The following UNC80 variants were observed in gnomAD, a reference collection of about 807,000 sequenced individuals.
UNC80 encodes the protein unc-80 subunit of NALCN channel complex.
UNC80 carries 164 observed loss-of-function variants against 384.6 expected under a neutral mutation model. That is an observed-to-expected ratio of 0.43 (90% CI 0.38 to 0.49). UNC80 has a LOEUF of 0.49. Among genes scored for constraint, UNC80 ranks in the 20% least tolerant of loss-of-function variants. The probability of loss-of-function intolerance (pLI) is 0.00; values close to 1 mark genes in which losing one functional copy is unlikely to be tolerated. For missense variants in UNC80, 3,330 were observed against 4,143.0 expected, an observed-to-expected ratio of 0.80 and a Z score of 5.39; for synonymous variants, 1,486 against 1,527.8, an observed-to-expected ratio of 0.97 and a Z score of 0.64.
chr2:209,857,729 T>C (rs1204517687), intron 22 of UNC80, among the ~76,000 whole-genome samples: 1 of 152,202 alleles, frequency 6.6e-6, no homozygotes, highest in Non-Finnish European at 1.5e-5. Context: ...CTGCATACCA[T>C]AAATTTTGAT....
chr2:209,898,647 A>G (rs772192785), intron 28 of UNC80, among the ~76,000 whole-genome samples: 2 of 152,062 alleles, frequency 1.3e-5, no homozygotes, highest in South Asian at 2.1e-4. Flanking sequence ...TCTTTTAGTT[A>G]TTTTTAAATG....
At chr2:209,774,343 C>T (rs758988895) in intron 2 of UNC80, among the ~76,000 whole-genome samples, 28 of 152,274 alleles carry the variant, frequency 1.8e-4, no homozygotes, top group South Asian at 8.3e-4. Context: ...CACTTGAAAT[C>T]TCAGACTTTC....
At chr2:209,945,259 C>A (rs1460696137) in intron 46 of UNC80, 70 bp downstream of exon 46, 39 of 1,419,546 alleles carry the variant, frequency 2.7e-5, no homozygotes, top group Non-Finnish European at 3.6e-5. Context: ...ATGTATTATA[C>A]ACACATACAC....
chr2:209,800,181 C>T (rs2078448289), intron 7 of UNC80, among the ~76,000 whole-genome samples: 1 of 152,154 alleles, frequency 6.6e-6, no homozygotes, highest in African/African-American at 2.4e-5. Context: ...GTGAATCCAT[C>T]TGGTCCTGGG....
rs1348432149 is a variant in UNC80 at position 209,972,316 on chromosome 2, G to T, written c.8372G>T (p.Gly2791Val). Residue 2791 changes from glycine to valine, a missense_variant, in exon 55 of 65, where the codon GGA becomes GTA. By Grantham distance (109) the Gly-to-Val change is moderately radical (BLOSUM62 -3). Coordinates refer to ENST00000673920, the MANE Select transcript of UNC80 (RefSeq NM_001371986.1). ...LIPFVLTVGS[G>V]SKDSPWLEQP... is the part of the protein sequence containing the mutation. ...CCATTTGTGCTCACAGTAGGATCTG[G>T]AAGCAAAGGTCTGATTAATTTAACT... The T allele has an allele frequency of 6.4e-7, 1 of 1,551,128 alleles. No individual in the cohort carries two copies. The highest frequency in any genetic ancestry group is 8.7e-7 in the Non-Finnish European group (1 of 1,146,686).
intron 47 of UNC80, among the ~76,000 whole-genome samples, chr2:209,949,398 A>G (rs921835383): frequency 2.6e-5 from 4 of 152,208 alleles, no homozygotes; most frequent in Non-Finnish European, 4.4e-5. Flanking sequence ...TTGTCAGGCT[A>G]TAGTATCAAG....
Position 209,998,443 on chromosome 2 carries a change from T to C in UNC80, c.*2848T>C, listed in dbSNP as rs1559464538. On this transcript the variant is annotated 3_prime_UTR_variant, in exon 65 of 65. Transcript: ENST00000673920. ...CAAAATCAAAGGGCATAAATGGGCATGGCAGTGCTGGTGGAAAAATCTGTG... is the reference window on the plus strand; with the variant it reads ...CAAAATCAAAGGGCATAAATGGGCACGGCAGTGCTGGTGGAAAAATCTGTG... 1 of 152,318 alleles carries C rather than the reference T, an allele frequency of 6.6e-6. No individual in the cohort carries two copies. Among genetic ancestry groups the C allele is most frequent in the South Asian group, 2.1e-4 (1 of 4,828 alleles). 9.4% of individuals were successfully genotyped at this position (152,318 alleles called of 1,614,324 possible). A position where few individuals can be genotyped will look rare whatever the true frequency, so the allele number is the denominator to read the frequency against.
intron 7 of UNC80, among the ~76,000 whole-genome samples, chr2:209,810,065 C>G (rs576918756): frequency 6.6e-6 from 1 of 152,070 alleles, no homozygotes; most frequent in South Asian, 2.1e-4. Flanking sequence ...AGCCATGGGG[C>G]CTTCGAAGGC....
rs2081177875 is a variant in UNC80, at chr2:209,834,009, A to G, written c.2783A>G (p.Tyr928Cys). The G allele has an allele frequency of 6.4e-7, 1 of 1,551,666 alleles. No homozygotes were observed. Among genetic ancestry groups the G allele is most frequent in the Non-Finnish European group, 8.7e-7 (1 of 1,146,942 alleles). ...CTTCTTGCCTCCAAACAGGGACTGT[A>G]TTGTGACATTCGTCAGCTGGTCCAG... The part of the protein sequence containing the change: ...ELHSPENLGL[Y>C]CDIRQLVQFI... The change falls in exon 17 of 65, where the codon TAT becomes TGT. Residue 928 changes from tyrosine to cysteine, a missense_variant. This residue lies in a region of UNC80 where 937 missense variants were observed against 1,026.8 expected (regional missense o/e 0.91). Coordinates refer to ENST00000673920, the MANE Select transcript of UNC80 (RefSeq NM_001371986.1).
intron 18 of UNC80, among the ~76,000 whole-genome samples, chr2:209,838,383 G>T (rs2081491949): frequency 6.7e-6 from 1 of 150,148 alleles, no homozygotes; most frequent in African/African-American, 2.5e-5. Flanking sequence ...GCATATTATT[G>T]GCCACTGGTC....
chr2:209,905,514 A>G (rs550350780), intron 29 of UNC80, among the ~76,000 whole-genome samples: 1 of 152,286 alleles, frequency 6.6e-6, no homozygotes, highest in East Asian at 1.9e-4. Flanking sequence ...TAGATAAGAC[A>G]AGGAAATGGA....
chr2:209,781,583 T>C (rs908970972), intron 4 of UNC80, among the ~76,000 whole-genome samples: 1 of 152,214 alleles, frequency 6.6e-6, no homozygotes, highest in Non-Finnish European at 1.5e-5. Context: ...CTTCTGGTTC[T>C]TCTTGCATCT....
At chr2:209,891,015 G>T (rs558273744) in intron 26 of UNC80, among the ~76,000 whole-genome samples, 111 of 152,018 alleles carry the variant, frequency 7.3e-4, no homozygotes, top group Non-Finnish European at 9.9e-4. Context: ...CTGCACATTT[G>T]CTAGAAGAGT....
In UNC80 at chr2:209,839,380, G is replaced by A. The variant is rs376043576; in HGVS notation, c.3200G>A (p.Arg1067His). Residue 1067 changes from arginine (R) to histidine (H), a missense_variant, in exon 19 of 65, where the codon CGC becomes CAC. Arg to His is a conservative substitution (Grantham distance 29, BLOSUM62 0). Around this residue, in one of 8 missense-constraint regions of UNC80, gnomAD observed 801 missense variants for 950.8 expected, o/e 0.84. Transcript: ENST00000673920. The surrounding 1 kb of genome is among the most constrained non-coding windows in gnomAD (Gnocchi z 4.1). ...GGGACCACCTCTGACCGACGTGCCC[G>A]CTCACGATCCCGCAGAATTTCCCTC... ...HSGTTSDRRA[R>H]SRSRRISLRK... 69 of 1,551,952 alleles carry A rather than the reference G, an allele frequency of 4.4e-5. No individual in the cohort carries two copies. The highest frequency in any genetic ancestry group is 1.1e-4 in the African/African-American group (8 of 73,114).
chr2:209,794,011 G>T, intron 7 of UNC80, 152 bp downstream of exon 7: 5 of 966,446 alleles, frequency 5.2e-6, no homozygotes, highest in Non-Finnish European at 7.3e-6. Context: ...ATTAATAATT[G>T]TAGAAATATG....
chr2:209,882,065 C>A (rs1026297619), intron 25 of UNC80, among the ~76,000 whole-genome samples: 8 of 149,516 alleles, frequency 5.4e-5, no homozygotes, highest in South Asian at 2.1e-4. Flanking sequence ...CTTCCCAGTT[C>A]ACACCATTCT....
rs1172637344 is a variant in UNC80 at position 209,969,906 on chromosome 2, G to T, written c.8130+15G>T. On this transcript the variant is annotated intron_variant, in intron 53 of 64. Transcript: ENST00000673920. The stretch of plus-strand genomic sequence containing the variant: ...GTGTCAATCTGGTGAGTAGCCAAGT[G>T]GCAATCTTATGAAACTTTGCACAAT... The T allele has an allele frequency of 1.9e-6, 3 of 1,551,012 alleles. No individual in the cohort carries two copies. The highest frequency in any genetic ancestry group is 2.6e-6 in the Non-Finnish European group (3 of 1,146,676).
At chr2:209,922,812 T>G (rs918095069) in intron 35 of UNC80, among the ~76,000 whole-genome samples, 2 of 152,174 alleles carry the variant, frequency 1.3e-5, no homozygotes, top group African/African-American at 2.4e-5. Context: ...TTTGTTTTTG[T>G]TTTTGTTTTT....
Position 209,933,998 on chromosome 2 carries a change from A to G in UNC80, c.6171A>G (p.Ser2057=). The part of the protein sequence containing the change: ...QCEVKLLVTA[S]MPGTKTLVVH... ...AGGTGAAGCTCCTGGTGACCGCTTCAATGCCAGGTAAGCCACTACTACTTT... is the reference window on the plus strand; with the variant it reads ...AGGTGAAGCTCCTGGTGACCGCTTCGATGCCAGGTAAGCCACTACTACTTT... The change falls in exon 39 of 65, where the codon TCA becomes TCG. Residue 2057 remains serine (S), a synonymous_variant. Transcript: ENST00000673920. The G allele has an allele frequency of 6.5e-7, 1 of 1,543,196 alleles. No individual in the cohort carries two copies. Among genetic ancestry groups the G allele is most frequent in the South Asian group, 1.2e-5 (1 of 82,892 alleles).
Sources: allele counts gnomAD v4.1 joint callset (sites outside exome capture counted in the v4.1 genomes callset), GRCh38; gene constraint gnomAD v4.1.1; regional missense constraint gnomAD v4.1.1; non-coding constraint Gnocchi (gnomAD v3.1); transcripts MANE v1.5; gene names NCBI Gene and HGNC (gene_info 2026-07-23, HGNC 2026-07-21).